Variants in HRNR observed in about 807,000 individuals in gnomAD.
HRNR encodes the protein filaggrin family member 3.
A neutral mutation model predicts 4.8 loss-of-function variants in HRNR; 7 were observed. That is an observed-to-expected ratio of 1.47 (90% CI 0.83 to 2.75). The LOEUF (loss-of-function observed/expected upper bound fraction) is 2.75, where lower values mean the gene tolerates loss of function less well. HRNR is among the 30% of genes most tolerant of loss of function. The pLI is 0.00. For synonymous variants in HRNR, 1,023 were observed against 1,242.7 expected (o/e 0.82, Z 3.72); for missense variants, 2,879 against 3,010.4 (o/e 0.96, Z 1.02).
rs559896603 is a variant in HRNR, at chr1:152,218,943, G to T, written c.2686C>A (p.Arg896Ser). The change falls in exon 3 of 3, where the codon CGT becomes AGT. Residue 896 changes from arginine (R) to serine (S), a missense_variant. This residue lies in a region of HRNR where 2,646 missense variants were observed against 1,377.7 expected (regional missense o/e 1.92). Coordinates refer to ENST00000368801, the MANE Select transcript of HRNR (RefSeq NM_001009931.3). ...GSGQSPGHGQ[R>S]GSGSGQSPSY... is the part of the protein sequence containing the mutation. ...GGAGACTGCCCTGACCCAGACCCACGCTGGCCGTGGCCTGGAGACTGGCCA... is the reference window on the plus strand; with the variant it reads ...GGAGACTGCCCTGACCCAGACCCACTCTGGCCGTGGCCTGGAGACTGGCCA... 11 of 1,613,702 alleles carry T rather than the reference G, an allele frequency of 6.8e-6. No homozygotes were observed. Among genetic ancestry groups the T allele is most frequent in the South Asian group, 1.1e-5 (1 of 91,034 alleles).
At position 152,220,186 on chromosome 1, in the gene HRNR, A is replaced by T. The variant is rs1407839952; in HGVS notation, c.1443T>A (p.His481Gln). The T allele has an allele frequency of 1.2e-6, 2 of 1,613,568 alleles. No individual in the cohort carries two copies. Among genetic ancestry groups the T allele is most frequent in the Non-Finnish European group, 1.7e-6 (2 of 1,179,800 alleles). ...CGGAGGAGTGACCTGAGCCAGATCC[A>T]TGCTGAGTGTAACCAGAGGAATGCT... Reference protein sequence around the residue: ...SSEHSSGYTQHGSGSGHSSGH... With the variant: ...SSEHSSGYTQQGSGSGHSSGH... Residue 481 changes from histidine to glutamine, a missense_variant, in exon 3 of 3, where the codon CAT becomes CAA. By Grantham distance (24) the His-to-Gln change is conservative. Transcript: ENST00000368801.
Position 152,220,590 on chromosome 1 carries a change from C to T in HRNR, c.1039G>A (p.Gly347Ser), listed in dbSNP as rs777950613. The T allele has an allele frequency of 2.5e-6, 4 of 1,608,118 alleles. No homozygotes were observed. The highest frequency in any genetic ancestry group is 1.1e-5 in the South Asian group (1 of 90,544). Residue 347 changes from glycine to serine, a missense_variant, in exon 3 of 3, where the codon GGC (glycine) becomes AGC (serine). Transcript: ENST00000368801. Reference protein sequence around the residue: ...HYESGSGQTSGFGQHESGSGQ... With the variant: ...HYESGSGQTSSFGQHESGSGQ... Reference sequence around the variant, plus strand: ...GAGCCAGACTCATGTTGCCCAAAGCCAGAAGTCTGGCCTGAGCCAGACTCA... The same window carrying T: ...GAGCCAGACTCATGTTGCCCAAAGCTAGAAGTCTGGCCTGAGCCAGACTCA...
chr1:152,221,170 T>A lies in HRNR; in HGVS notation c.459A>T (p.Glu153Asp). The change falls in exon 3 of 3, where the codon GAA becomes GAT. Residue 153 changes from glutamate to aspartate, a missense_variant. By Grantham distance (45) the Glu-to-Asp change is conservative (BLOSUM62 2). Transcript: ENST00000368801. The part of the protein sequence containing the change: ...NVRGSLKPGT[E>D]SISRRLSFQR... ...GAAAACTCAGTCTTCTGGATATGGATTCAGTCCCAGGTTTAAGACTTCCTC... is the reference window on the plus strand; with the variant it reads ...GAAAACTCAGTCTTCTGGATATGGAATCAGTCCCAGGTTTAAGACTTCCTC... The A allele has an allele frequency of 6.2e-7, 1 of 1,614,228 alleles. No individual in the cohort carries two copies. The highest frequency in any genetic ancestry group is 1.1e-5 in the South Asian group (1 of 91,084).
rs777240675 is a variant in HRNR, at chr1:152,219,517, C to G, written c.2112G>C (p.Lys704Asn). 6.8e-6 allele frequency: 11 copies of G among 1,613,588 alleles called. No individual in the cohort carries two copies. The highest frequency in any genetic ancestry group is 4.2e-6 in the Non-Finnish European group (5 of 1,179,976). Residue 704 changes from lysine to asparagine, a missense_variant, in exon 3 of 3, where the codon AAG (lysine) becomes AAC (asparagine). This residue lies in a region of HRNR where 2,646 missense variants were observed against 1,377.7 expected (regional missense o/e 1.92). Coordinates refer to ENST00000368801, the MANE Select transcript of HRNR (RefSeq NM_001009931.3). Reference sequence around the variant, plus strand: ...AACCAGAGGACTGCCCTGAGCCAGACTTGTGACCAAAGCCGGAAGACTGGC... The same window carrying G: ...AACCAGAGGACTGCCCTGAGCCAGAGTTGTGACCAAAGCCGGAAGACTGGC... ...VSGQSSGFGHKSGSGQSSGYS... is the reference protein window; with the variant it reads ...VSGQSSGFGHNSGSGQSSGYS...
Position 152,218,790 on chromosome 1 carries a change from G to T in HRNR, c.2839C>A (p.His947Asn). Reference sequence around the variant, plus strand: ...GAGGAGTGACCTGAGCCAGATCCATGCTGAGTGTAACCAGAGGACTGCCCT... The same window carrying T: ...GAGGAGTGACCTGAGCCAGATCCATTCTGAGTGTAACCAGAGGACTGCCCT... ...SSGQSSGYTQHGSGSGHSSSY... is the reference protein window; with the variant it reads ...SSGQSSGYTQNGSGSGHSSSY... Residue 947 changes from histidine to asparagine, a missense_variant, in exon 3 of 3, where the codon CAT becomes AAT. By Grantham distance (68) the His-to-Asn change is moderately conservative. Transcript: ENST00000368801. The T allele has an allele frequency of 1.9e-6, 3 of 1,613,996 alleles. No homozygotes were observed. The highest frequency in any genetic ancestry group is 2.5e-6 in the Non-Finnish European group (3 of 1,180,022).
rs1557846926 is a variant in HRNR at position 152,221,428 on chromosome 1, C to G, written c.201G>C (p.Lys67Asn). ...GAAGATACTCAGTAAAATCCACTTT[C>G]TTGTTATGGTCTCGATCCAGACTTT... ...ILQSLDRDHN[K>N]KVDFTEYLLM... Residue 67 changes from lysine to asparagine, a missense_variant, in exon 3 of 3, where the codon AAG becomes AAC. Physicochemically the swap from Lys to Asn is moderately conservative, Grantham distance 94. Coordinates refer to ENST00000368801, the MANE Select transcript of HRNR (RefSeq NM_001009931.3). The G allele has an allele frequency of 1.2e-6, 2 of 1,613,414 alleles. No homozygotes were observed. Among genetic ancestry groups the G allele is most frequent in the Admixed American group, 1.7e-5 (1 of 59,980 alleles).
Position 152,220,407 on chromosome 1 carries a change from G to C in HRNR, c.1222C>G (p.Arg408Gly). The C allele has an allele frequency of 6.2e-7, 1 of 1,613,994 alleles. No homozygotes were observed. Among genetic ancestry groups the C allele is most frequent in the South Asian group, 1.1e-5 (1 of 91,070 alleles). The stretch of plus-strand genomic sequence containing the variant: ...TGTTGGCCGCGGCCTGAAGAGTGAC[G>C]GGAGGCAGACTCATGCTGACCATAG... ...SSYGQHESAS[R>G]HSSGRGQHSS... Residue 408 changes from arginine (R) to glycine (G), a missense_variant, in exon 3 of 3, where the codon CGT (arginine) becomes GGT (glycine). By Grantham distance (125) the Arg-to-Gly change is moderately radical. This residue lies in a region of HRNR where 2,646 missense variants were observed against 1,377.7 expected (regional missense o/e 1.92). Coordinates refer to ENST00000368801, the MANE Select transcript of HRNR (RefSeq NM_001009931.3).
Position 152,219,623 on chromosome 1 carries a change from A to T in HRNR, c.2006T>A (p.Phe669Tyr). ...SPSRGRHGSD[F>Y]GHSSSYGQHG... ...TTGGCCGTAGCTGGAAGAGTGCCCA[A>T]AATCGGACCCATGTCGGCCGCGACT... Residue 669 changes from phenylalanine to tyrosine, a missense_variant, in exon 3 of 3, where the codon TTT becomes TAT. Phe to Tyr is a conservative substitution (Grantham distance 22, BLOSUM62 3). This residue lies in a region of HRNR where 2,646 missense variants were observed against 1,377.7 expected (regional missense o/e 1.92). Transcript: ENST00000368801. 2.5e-6 allele frequency: 4 copies of T among 1,583,970 alleles called. No homozygotes were observed. Among genetic ancestry groups the T allele is most frequent in the Non-Finnish European group, 3.4e-6 (4 of 1,164,088 alleles).
chr1:152,218,708 C>A lies in HRNR; in HGVS notation c.2921G>T (p.Gly974Val). Reference protein sequence around the residue: ...SGQSSRSEQHGSSSGSSSSYG... With the variant: ...SGQSSRSEQHVSSSGSSSSYG... ...GCTGGAAGACGAACCTGAGCTAGATCCATGTTGTTCGCTCCTAGATGACTG... is the reference window on the plus strand; with the variant it reads ...GCTGGAAGACGAACCTGAGCTAGATACATGTTGTTCGCTCCTAGATGACTG... The change falls in exon 3 of 3, where the codon GGA becomes GTA. Residue 974 changes from glycine to valine, a missense_variant. Gly to Val is a moderately radical substitution (Grantham distance 109, BLOSUM62 -3). This residue lies in a region of HRNR where 2,646 missense variants were observed against 1,377.7 expected (regional missense o/e 1.92). Transcript: ENST00000368801. 6.2e-7 allele frequency: 1 copy of A among 1,613,564 alleles called. No individual in the cohort carries two copies. The highest frequency in any genetic ancestry group is 8.5e-7 in the Non-Finnish European group (1 of 1,179,958).
At position 152,213,444 on chromosome 1, in the gene HRNR, G is replaced by C. The variant is rs1337502474; in HGVS notation, c.8185C>G (p.Gln2729Glu). ...CCCTCCTGGTCAAAGGTTGATGACT[G>C]TCCTGATGTAGAACCATGCTGTCCT... ...SQGQHGSTSGQSSTFDQEGSS... is the reference protein window; with the variant it reads ...SQGQHGSTSGESSTFDQEGSS... The change falls in exon 3 of 3, where the codon CAG (glutamine) becomes GAG (glutamate). Residue 2729 changes from glutamine to glutamate, a missense_variant. Transcript: ENST00000368801. 4.5e-6 allele frequency: 6 copies of C among 1,319,880 alleles called. No homozygotes were observed. Among genetic ancestry groups the C allele is most frequent in the Non-Finnish European group, 6.3e-6 (6 of 950,558 alleles). 81.8% of individuals were successfully genotyped at this position (1,319,880 alleles called of 1,614,324 possible).
rs1366572808 is a variant in HRNR at position 152,220,429 on chromosome 1, A to G, written c.1200T>C (p.Tyr400=). ...GACGGGAGGCAGACTCATGCTGACC[A>G]TAGCTGGAAGACTGACGTGAGCTGG... The part of the protein sequence containing the change: ...HGSSSRQSSS[Y]GQHESASRHS... The change falls in exon 3 of 3, where the codon TAT becomes TAC. Residue 400 remains tyrosine (Y), a synonymous_variant. Coordinates refer to ENST00000368801, the MANE Select transcript of HRNR (RefSeq NM_001009931.3). 7 of 1,614,090 alleles carry G rather than the reference A, an allele frequency of 4.3e-6. No individual in the cohort carries two copies. The highest frequency in any genetic ancestry group is 5.1e-6 in the Non-Finnish European group (6 of 1,180,002).
Position 152,213,197 on chromosome 1 carries a change from G to A in HRNR, c.8432C>T (p.Ser2811Phe). Residue 2811 changes from serine (S) to phenylalanine (F), a missense_variant, in exon 3 of 3, where the codon TCT becomes TTT. Ser to Phe is a radical substitution (Grantham distance 155, BLOSUM62 -2). Transcript: ENST00000368801. ...HGSGSGQDGY[S>F]YCKGGSNHDG... ...ATGGTTACTTCCTCCTTTGCAATAA[G>A]AATACCCATCTTGCCCTGAGCCACT... 6.2e-7 allele frequency: 1 copy of A among 1,614,152 alleles called. No individual in the cohort carries two copies. The highest frequency in any genetic ancestry group is 8.5e-7 in the Non-Finnish European group (1 of 1,180,046).
At position 152,220,776 on chromosome 1, in the gene HRNR, G is replaced by A; in HGVS notation, c.853C>T (p.Gln285Ter). Residue 285 changes from glutamine (Q) to a stop codon, truncating the protein, a stop_gained, in exon 3 of 3, where the codon CAG (glutamine) becomes TAG (stop). Transcript: ENST00000368801. LOFTEE classifies it low-confidence loss of function (END_TRUNC). ...GACTGACGGGAACCAGACCCATGCT[G>A]ACCATAGCTGGAAGACGAACCTGAG... The part of the protein sequence containing the change: ...SSSGSSSSYG[Q>*]HGSGSRQSLG... The A allele has an allele frequency of 6.2e-7, 1 of 1,614,120 alleles. No homozygotes were observed. The highest frequency in any genetic ancestry group is 8.5e-7 in the Non-Finnish European group (1 of 1,180,018).
At position 152,212,969 on chromosome 1, in the gene HRNR, T is replaced by C; in HGVS notation, c.*107A>G. 1 of 1,460,690 alleles carries C rather than the reference T, an allele frequency of 6.8e-7. No homozygotes were observed. Among genetic ancestry groups the C allele is most frequent in the Non-Finnish European group, 9.2e-7 (1 of 1,089,426 alleles). The allele number at this position is 1,460,690 out of a possible 1,614,324, so 90.5% of individuals were successfully genotyped here. On this transcript the variant is annotated 3_prime_UTR_variant, in exon 3 of 3. Coordinates refer to ENST00000368801, the MANE Select transcript of HRNR (RefSeq NM_001009931.3). ...AGAGACAGAAATGCATTGATTCACT[T>C]TTAGAACGAATTTCATGATGGATTG...
In HRNR at chr1:152,219,732, A is replaced by G. The variant is rs781208360; in HGVS notation, c.1897T>C (p.Ser633Pro). The change falls in exon 3 of 3, where the codon TCT (serine) becomes CCT (proline). Residue 633 changes from serine to proline, a missense_variant. Transcript: ENST00000368801. ...GAGCCATGCTGACCGTGGCTGGAAGACTGACCTGAGGTAGCTCCATGTTGG... is the reference window on the plus strand; with the variant it reads ...GAGCCATGCTGACCGTGGCTGGAAGGCTGACCTGAGGTAGCTCCATGTTGG... ...CGQHGATSGQ[S>P]SSHGQHGSGS... 1.5e-5 allele frequency: 25 copies of G among 1,613,546 alleles called. No individual in the cohort carries two copies. In the African/African-American group the frequency reaches 2.7e-4, roughly 17 times the overall value.
rs773025022 is a variant in HRNR at position 152,213,055 on chromosome 1, A to C, written c.*21T>G. ...TATTTCTTAAATTGCTACTTGAGTA[A>C]ATTGCATTTATGTTTATTATTCACT... On this transcript the variant is annotated 3_prime_UTR_variant, in exon 3 of 3. Transcript: ENST00000368801. 8.8e-6 allele frequency: 14 copies of C among 1,591,628 alleles called. No homozygotes were observed. In the East Asian group the frequency reaches 2.9e-4, roughly 33 times the overall value.
Position 152,221,423 on chromosome 1 carries a change from A to G in HRNR, c.206T>C (p.Val69Ala), listed in dbSNP as rs749782142. 71 of 1,613,248 alleles carry G rather than the reference A, an allele frequency of 4.4e-5. No homozygotes were observed. Among genetic ancestry groups the G allele is most frequent in the Non-Finnish European group, 5.8e-5 (68 of 1,179,700 alleles). ...CATCAGAAGATACTCAGTAAAATCC[A>G]CTTTCTTGTTATGGTCTCGATCCAG... ...QSLDRDHNKKVDFTEYLLMIF... is the reference protein window; with the variant it reads ...QSLDRDHNKKADFTEYLLMIF... The change falls in exon 3 of 3, where the codon GTG (valine) becomes GCG (alanine). Residue 69 changes from valine (V) to alanine (A), a missense_variant. Val to Ala is a moderately conservative substitution (Grantham distance 64). This residue lies in a region of HRNR where 2,646 missense variants were observed against 1,377.7 expected (regional missense o/e 1.92). Transcript: ENST00000368801.
At position 152,218,686 on chromosome 1, in the gene HRNR, G is replaced by A. The variant is rs142440614; in HGVS notation, c.2943C>T (p.Ser981=). 1 of 1,613,704 alleles carries A rather than the reference G, an allele frequency of 6.2e-7. No homozygotes were observed. The highest frequency in any genetic ancestry group is 8.5e-7 in the Non-Finnish European group (1 of 1,179,996). Residue 981 remains serine (S), a synonymous_variant, in exon 3 of 3, where the codon TCC becomes TCT. Transcript: ENST00000368801. ...AGCCAGACCCATGCTGACCATAGCT[G>A]GAAGACGAACCTGAGCTAGATCCAT... The part of the protein sequence containing the change: ...EQHGSSSGSS[S]SYGQHGSGSR...
In HRNR at chr1:152,219,532, G is replaced by A. The variant is rs764048595; in HGVS notation, c.2097C>T (p.Ser699=). The A allele has an allele frequency of 7.9e-5, 128 of 1,612,188 alleles. 1 individual carries two copies. Among genetic ancestry groups the A allele is most frequent in the Admixed American group, 3.3e-4 (20 of 59,818 alleles). ...GPHGSVSGQS[S]GFGHKSGSGQ... The stretch of plus-strand genomic sequence containing the variant: ...CTGAGCCAGACTTGTGACCAAAGCC[G>A]GAAGACTGGCCTGAGACAGACCCAT... Residue 699 remains serine, a synonymous_variant, in exon 3 of 3, where the codon TCC becomes TCT. Transcript: ENST00000368801.
Sources: allele counts gnomAD v4.1 joint callset, GRCh38; gene constraint gnomAD v4.1.1; regional missense constraint gnomAD v4.1.1; transcripts MANE v1.5; gene names NCBI Gene and HGNC (gene_info 2026-07-23, HGNC 2026-07-21).